TRIB2: variants seen among roughly 807,000 people sequenced by gnomAD.
The protein encoded by TRIB2 is tribbles pseudokinase 2.
A neutral mutation model predicts 26.8 loss-of-function variants in TRIB2; 2 were observed. The ratio of observed to expected loss-of-function variants is 0.07; its 90% CI spans 0.03 to 0.24. The LOEUF (loss-of-function observed/expected upper bound fraction) is 0.24. Among genes scored for constraint, TRIB2 ranks in the 10% least tolerant of loss-of-function variants. The probability of loss-of-function intolerance (pLI) is 1.00; values close to 1 mark genes in which losing one functional copy is unlikely to be tolerated. For synonymous variants in TRIB2, 189 were observed against 187.3 expected, an observed-to-expected ratio of 1.01 and a Z score of -0.08; for missense variants, 306 against 449.0, an observed-to-expected ratio of 0.68 and a Z score of 2.88.
In TRIB2 at chr2:12,718,364, C is replaced by G; in HGVS notation, c.57C>G (p.Asn19Lys). ...TAGCGAGATATGGGAGATCGCGGAA[C>G]AAAACCCAGGATTTCGAAGAGTTGT... The part of the protein sequence containing the change: ...ITIARYGRSR[N>K]KTQDFEELSS... The change falls in exon 1 of 3, where the codon AAC becomes AAG. Residue 19 changes from asparagine to lysine, a missense_variant. By Grantham distance (94) the Asn-to-Lys change is moderately conservative (BLOSUM62 0). This residue lies in a region of TRIB2 where 99 missense variants were observed against 106.5 expected (regional missense o/e 0.93). Coordinates refer to ENST00000155926, the MANE Select transcript of TRIB2 (RefSeq NM_021643.4). The surrounding 1 kb of genome is among the most constrained non-coding windows in gnomAD (Gnocchi z 4.0). 1.2e-6 allele frequency: 2 copies of G among 1,614,212 alleles called. No homozygotes were observed. The highest frequency in any genetic ancestry group is 1.7e-6 in the Non-Finnish European group (2 of 1,180,044).
At chr2:12,729,951 C>T (rs965654146) in intron 2 of TRIB2, among the ~76,000 whole-genome samples, 4 of 152,192 alleles carry the variant, frequency 2.6e-5, no homozygotes, top group African/African-American at 7.2e-5. Context: ...AATACATAGC[C>T]GTCATTATTG....
chr2:12,719,004 C>A (rs1666664685), intron 1 of TRIB2, among the ~76,000 whole-genome samples: 1 of 152,198 alleles, frequency 6.6e-6, no homozygotes, highest in African/African-American at 2.4e-5. Context: ...TTGTTCTTAG[C>A]AGCGGGCAGG....
Position 12,718,725 on chromosome 2 carries a change from G to A in TRIB2, c.270+148G>A, listed in dbSNP as rs1055589954. 7 of 1,212,996 alleles carry A rather than the reference G, an allele frequency of 5.8e-6. No homozygotes were observed. The East Asian group carries it at 1.0e-4, about 18-fold the overall frequency. 75.1% of individuals were successfully genotyped at this position (1,212,996 alleles called of 1,614,324 possible). A position where few individuals can be genotyped will look rare whatever the true frequency, so the allele number is the denominator to read the frequency against. On this transcript the variant is annotated intron_variant, in intron 1 of 2. Coordinates refer to ENST00000155926, the MANE Select transcript of TRIB2 (RefSeq NM_021643.4). The surrounding 1 kb of genome is among the most constrained non-coding windows in gnomAD (Gnocchi z 4.0). ...TTTATTTATTTATTTGCTCAGGTTC[G>A]GTAAGTTGCGAAGTTTTTAGACCGT... is the stretch of plus-strand genomic sequence containing the variant.
rs1442303267 is a variant in TRIB2, at chr2:12,718,154, C to CT, written c.-152dup. Reference sequence around the variant, plus strand: ...GTATCCGGCGGCGCCCATTTGGGGGCTTCTAACTCTTTCTCCACGCAGCCC... The same window carrying CT: ...GTATCCGGCGGCGCCCATTTGGGGGCTTTCTAACTCTTTCTCCACGCAGCCC... On this transcript the variant is annotated 5_prime_UTR_variant, in exon 1 of 3. Transcript: ENST00000155926. This position sits in a 1 kb window ranked among gnomAD's most constrained non-coding sequence, Gnocchi z 4.0. The CT allele has an allele frequency of 1.8e-6, 2 of 1,096,694 alleles. No individual in the cohort carries two copies. The highest frequency in any genetic ancestry group is 2.5e-6 in the Non-Finnish European group (2 of 792,208). The allele number at this position is 1,096,694 out of a possible 1,614,324, so 67.9% of individuals were successfully genotyped here.
Position 12,741,919 on chromosome 2 carries a change from G to A in TRIB2, c.*1125G>A, listed in dbSNP as rs1004276412. 1 of 152,650 alleles carries A rather than the reference G, an allele frequency of 6.6e-6. No individual in the cohort carries two copies. The highest frequency in any genetic ancestry group is 6.5e-5 in the Admixed American group (1 of 15,286). The allele number at this position is 152,650 out of a possible 1,614,324, so 9.5% of individuals were successfully genotyped here. On this transcript the variant is annotated 3_prime_UTR_variant, in exon 3 of 3. Transcript: ENST00000155926. ...AGGATAATTAGCTGAAAGCTATGAT[G>A]ATATAAATAAAAACAGCTCTCTATC...
Position 12,731,777 on chromosome 2 carries a change from C to T in TRIB2, c.563+8225C>T, listed in dbSNP as rs548601086. Among the ~76,000 whole-genome samples the T allele has an allele frequency of 5.3e-5, 8 of 152,312 alleles. No homozygotes were observed. The South Asian group carries it at 1.7e-3, about 32-fold the overall frequency. ...CTGCGAGTGGGTGCAGAGATGCACT[C>T]ACAGGCCTCCCTGAACTCTGTGAAC... On this transcript the variant is annotated intron_variant, in intron 2 of 2. Transcript: ENST00000155926.
chr2:12,718,700 T>C lies in TRIB2; in HGVS notation c.270+123T>C. The C allele has an allele frequency of 7.9e-7, 1 of 1,269,240 alleles. No individual in the cohort carries two copies. The highest frequency in any genetic ancestry group is 1.1e-6 in the Non-Finnish European group (1 of 936,402). The allele number at this position is 1,269,240 out of a possible 1,614,324, so 78.6% of individuals were successfully genotyped here. ...AATTACCGTGGCCTTATTAAATGGG[T>C]TTATTTATTTATTTGCTCAGGTTCG... is the stretch of plus-strand genomic sequence containing the variant. On this transcript the variant is annotated intron_variant, in intron 1 of 2. Transcript: ENST00000155926. This position sits in a 1 kb window ranked among gnomAD's most constrained non-coding sequence, Gnocchi z 4.0.
Position 12,740,512 on chromosome 2 carries a change from G to T in TRIB2, c.750G>T (p.Gly250=). The T allele has an allele frequency of 6.2e-7, 1 of 1,614,158 alleles. No individual in the cohort carries two copies. Among genetic ancestry groups the T allele is most frequent in the Non-Finnish European group, 8.5e-7 (1 of 1,180,040 alleles). ...TGATGCTGTACACCATGTTGGTGGG[G>T]CGGTACCCTTTCCATGACATTGAAC... ...LGVMLYTMLV[G]RYPFHDIEPS... The change falls in exon 3 of 3, where the codon GGG becomes GGT. Residue 250 remains glycine, a synonymous_variant. Transcript: ENST00000155926. This position sits in a 1 kb window ranked among gnomAD's most constrained non-coding sequence, Gnocchi z 5.8.
chr2:12,724,656 G>T (rs751988198), intron 2 of TRIB2: 42 of 1,612,716 alleles, frequency 2.6e-5, no homozygotes, highest in Non-Finnish European at 3.2e-5. Context: ...GCCTGGAGAT[G>T]TTTCCCCTGG....
chr2:12,717,384 C>T lies in TRIB2; in HGVS notation c.-924C>T, dbSNP rs1056209252. 7 of 398,420 alleles carry T rather than the reference C, an allele frequency of 1.8e-5. No individual in the cohort carries two copies. Among genetic ancestry groups the T allele is most frequent in the Non-Finnish European group, 2.7e-5 (6 of 226,026 alleles). 24.7% of individuals were successfully genotyped at this position (398,420 alleles called of 1,614,324 possible). A position where few individuals can be genotyped will look rare whatever the true frequency, so the allele number is the denominator to read the frequency against. ...GCCGGCGAAATCGGAGACCGCCGAT[C>T]TGTCCTCGTTCTCTCCTGCACGTCT... On this transcript the variant is annotated 5_prime_UTR_variant, in exon 1 of 3. Transcript: ENST00000155926. This position sits in a 1 kb window ranked among gnomAD's most constrained non-coding sequence, Gnocchi z 4.8.
At chr2:12,720,764 C>T (rs1414871022) in intron 1 of TRIB2, among the ~76,000 whole-genome samples, 2 of 152,136 alleles carry the variant, frequency 1.3e-5, no homozygotes, top group African/African-American at 4.8e-5. Flanking sequence ...ATAGAGATTC[C>T]AGAGTCATTT....
chr2:12,732,563 C>G lies in TRIB2; in HGVS notation c.564-7763C>G, dbSNP rs954865414. On this transcript the variant is annotated intron_variant, in intron 2 of 2. Transcript: ENST00000155926. The surrounding 1 kb of genome is among the most constrained non-coding windows in gnomAD (Gnocchi z 4.2). ...ATTTGAGGTAGGAGTTGGGGTGGTTCACTGACTCTCCAAGACTTGGTGCAG... is the reference window on the plus strand; with the variant it reads ...ATTTGAGGTAGGAGTTGGGGTGGTTGACTGACTCTCCAAGACTTGGTGCAG... 2.6e-5 allele frequency among the ~76,000 whole-genome samples: 4 copies of G among 152,194 alleles called. No individual in the cohort carries two copies. Among genetic ancestry groups the G allele is most frequent in the African/African-American group, 9.7e-5 (4 of 41,438 alleles).
rs1666612017 is a variant in TRIB2, at chr2:12,717,292, G to C, written c.-1016G>C. The C allele has an allele frequency of 2.5e-6, 1 of 398,202 alleles. No individual in the cohort carries two copies. Among genetic ancestry groups the C allele is most frequent in the Non-Finnish European group, 4.4e-6 (1 of 225,860 alleles). 24.7% of individuals were successfully genotyped at this position (398,202 alleles called of 1,614,324 possible). ...TCCAGCGGGAAAGGGGCAAAGGAAC[G>C]CCGCGCGTTGGAAGGGCCAGGGACG... On this transcript the variant is annotated 5_prime_UTR_variant, in exon 1 of 3. Coordinates refer to ENST00000155926, the MANE Select transcript of TRIB2 (RefSeq NM_021643.4). The surrounding 1 kb of genome is among the most constrained non-coding windows in gnomAD (Gnocchi z 4.8).
intron 2 of TRIB2, chr2:12,724,635 C>G: frequency 6.2e-7 from 1 of 1,612,328 alleles, no homozygotes; most frequent in Non-Finnish European, 8.5e-7. Flanking sequence ...TCAGATGCCT[C>G]TGCCCCTGGA....
chr2:12,731,030 C>T (rs560414682), intron 2 of TRIB2, among the ~76,000 whole-genome samples: 5 of 152,316 alleles, frequency 3.3e-5, no homozygotes, highest in Admixed American at 1.3e-4. Context: ...TAAGCACCTA[C>T]TCTGTCCTAC....
chr2:12,742,666 TC>T lies in TRIB2; in HGVS notation c.*1874del, dbSNP rs1661736643. ...GGGATCTATGGCCTCTGGTGCTTTG[TC>T]CTGTATTTGGTTTAATGTTTTTGTC... On this transcript the variant is annotated 3_prime_UTR_variant, in exon 3 of 3. Transcript: ENST00000155926. 6.6e-6 allele frequency: 1 copy of T among 150,854 alleles called. No homozygotes were observed. Among genetic ancestry groups the T allele is most frequent in the Non-Finnish European group, 1.5e-5 (1 of 67,628 alleles). The allele number at this position is 150,854 out of a possible 1,614,324, so 9.3% of individuals were successfully genotyped here. A position where few individuals can be genotyped will look rare whatever the true frequency, so the allele number is the denominator to read the frequency against.
rs1661687298 is a variant in TRIB2, at chr2:12,740,361, A to G, written c.599A>G (p.Tyr200Cys). 6.2e-7 allele frequency: 1 copy of G among 1,614,150 alleles called. No individual in the cohort carries two copies. The highest frequency in any genetic ancestry group is 8.5e-7 in the Non-Finnish European group (1 of 1,180,012). Residue 200 changes from tyrosine (Y) to cysteine (C), a missense_variant, in exon 3 of 3, where the codon TAC becomes TGC. Transcript: ENST00000155926. The surrounding 1 kb of genome is among the most constrained non-coding windows in gnomAD (Gnocchi z 5.8). ...RVKLESLEDA[Y>C]ILRGDDDSLS... The stretch of plus-strand genomic sequence containing the variant: ...AAGCTGGAAAGCCTGGAAGACGCCT[A>G]CATTCTGCGGGGAGATGATGATTCC...
Position 12,718,116 on chromosome 2 carries a change from C to T in TRIB2, c.-192C>T. On this transcript the variant is annotated 5_prime_UTR_variant, in exon 1 of 3. Transcript: ENST00000155926. The surrounding 1 kb of genome is among the most constrained non-coding windows in gnomAD (Gnocchi z 4.0). ...ACCGAGGACCCCCGGGAGCCGGGCT[C>T]GGAGCAGACGAGGTATCCGGCGGCG... 1 of 756,686 alleles carries T rather than the reference C, an allele frequency of 1.3e-6. No individual in the cohort carries two copies. Among genetic ancestry groups the T allele is most frequent in the South Asian group, 2.1e-5 (1 of 47,918 alleles). The allele number at this position is 756,686 out of a possible 1,614,324, so 46.9% of individuals were successfully genotyped here.
Position 12,732,411 on chromosome 2 carries a change from G to A in TRIB2, c.564-7915G>A, listed in dbSNP as rs1661475941. Reference sequence around the variant, plus strand: ...TCGGTGTGGGCACACCCACCTTCCAGATTGTGTGGTGTTGTAAGGTCACAA... The same window carrying A: ...TCGGTGTGGGCACACCCACCTTCCAAATTGTGTGGTGTTGTAAGGTCACAA... On this transcript the variant is annotated intron_variant, in intron 2 of 2. Transcript: ENST00000155926. The surrounding 1 kb of genome is among the most constrained non-coding windows in gnomAD (Gnocchi z 4.2). Among the ~76,000 whole-genome samples, 1 of 152,172 alleles carries A rather than the reference G, an allele frequency of 6.6e-6. No homozygotes were observed.
Sources: gnomAD v4.1 joint callset for allele counts (sites outside exome capture counted in the v4.1 genomes callset) on GRCh38, gnomAD v4.1.1 for gene constraint, gnomAD v4.1.1 regional missense constraint, Gnocchi (gnomAD v3.1) non-coding constraint, MANE v1.5 for transcripts, NCBI Gene and HGNC (gene_info 2026-07-23, HGNC 2026-07-21) for gene names.